PCGF6: variants seen among roughly 807,000 people sequenced by gnomAD.
PCGF6 encodes the protein polycomb group ring finger 6, also known as polycomb group RING finger protein 6.
Under a neutral mutation model 45.5 loss-of-function variants are expected in PCGF6, and 24 were observed. The observed-to-expected ratio is 0.53, with a 90% CI of 0.38 to 0.74. The LOEUF (loss-of-function observed/expected upper bound fraction) is 0.74. Ranked by LOEUF, PCGF6 falls within the 30% of genes least tolerant of loss-of-function variation. PCGF6 has a pLI of 0.00. For missense variants in PCGF6, 356 were observed against 443.2 expected, an observed-to-expected ratio of 0.80 and a Z score of 1.77; for synonymous variants, 152 against 162.1, an observed-to-expected ratio of 0.94 and a Z score of 0.47.
intron 7 of PCGF6, among the ~76,000 whole-genome samples, chr10:103,330,267 G>A (rs572013387): frequency 6.6e-6 from 1 of 151,778 alleles, no homozygotes; most frequent in East Asian, 2.0e-4. Context: ...GTGGAGACAG[G>A]GTTTCCCCAT....
chr10:103,303,217 TA>T lies in PCGF6; in HGVS notation c.*687del, dbSNP rs1482463932. ...ACCCAAATAAAATGAATGTCAGAAA[TA>T]AAAATACTGTCACAAAGAAGCACCC... is the stretch of plus-strand genomic sequence containing the variant. On this transcript the variant is annotated 3_prime_UTR_variant, in exon 10 of 10. Coordinates refer to ENST00000369847, the MANE Select transcript of PCGF6 (RefSeq NM_001011663.2). The T allele has an allele frequency of 6.6e-6, 1 of 152,532 alleles. No individual in the cohort carries two copies. The highest frequency in any genetic ancestry group is 1.5e-5 in the Non-Finnish European group (1 of 68,008). The allele number at this position is 152,532 out of a possible 1,614,324, so 9.4% of individuals were successfully genotyped here.
Position 103,345,098 on chromosome 10 carries a change from T to A in PCGF6, c.708A>T (p.Arg236Ser), listed in dbSNP as rs769470053. 5 of 1,613,098 alleles carry A rather than the reference T, an allele frequency of 3.1e-6. No individual in the cohort carries two copies. The highest frequency in any genetic ancestry group is 4.2e-6 in the Non-Finnish European group (5 of 1,179,480). The change falls in exon 6 of 10, where the codon AGA becomes AGT. Residue 236 changes from arginine (R) to serine (S), a missense_variant. Arg to Ser is a moderately radical substitution (Grantham distance 110). Coordinates refer to ENST00000369847, the MANE Select transcript of PCGF6 (RefSeq NM_001011663.2). ...ACACTGATTCTAGGACTTTTTTAGA[T>A]CTTCCTTTGCTTGAAGGGACTGGCT... ...VPQPVPSSKG[R>S]SKKVLESVFR...
chr10:103,326,369 A>T (rs1294027877), intron 8 of PCGF6, among the ~76,000 whole-genome samples, 165 bp downstream of exon 8: 1 of 150,242 alleles, frequency 6.7e-6, no homozygotes, highest in Non-Finnish European at 1.5e-5. Context: ...AGCCTGGGCG[A>T]CAGAGCAAGA....
Position 103,345,118 on chromosome 10 carries a change from C to T in PCGF6, c.688G>A (p.Val230Ile). 2 of 1,610,212 alleles carry T rather than the reference C, an allele frequency of 1.2e-6. No individual in the cohort carries two copies. The highest frequency in any genetic ancestry group is 1.7e-6 in the Non-Finnish European group (2 of 1,177,918). Residue 230 changes from valine (V) to isoleucine (I), a missense_variant, in exon 6 of 10, where the codon GTC (valine) becomes ATC (isoleucine). Physicochemically the swap from Val to Ile is conservative, Grantham distance 29 (BLOSUM62 3). Around this residue, in one of 2 missense-constraint regions of PCGF6, gnomAD observed 307 missense variants for 350.1 expected, o/e 0.88. Coordinates refer to ENST00000369847, the MANE Select transcript of PCGF6 (RefSeq NM_001011663.2). ...EVPKPAVPQPVPSSKGRSKKV... is the reference protein window; with the variant it reads ...EVPKPAVPQPIPSSKGRSKKV... ...TTAGATCTTCCTTTGCTTGAAGGGA[C>T]TGGCTGTGGAACAGCTATTTAATAG...
At position 103,307,610 on chromosome 10, in the gene PCGF6, C is replaced by T. The variant is rs1330721750; in HGVS notation, c.997-3649G>A. On this transcript the variant is annotated intron_variant, in intron 9 of 9. Transcript: ENST00000369847. Reference sequence around the variant, plus strand: ...ACCTTAGTCTCCCAAGTAGCTGGGACTACAGGTGCATGCCACCATGCCCTG... The same window carrying T: ...ACCTTAGTCTCCCAAGTAGCTGGGATTACAGGTGCATGCCACCATGCCCTG... Among the ~76,000 whole-genome samples, 3 of 152,140 alleles carry T rather than the reference C, an allele frequency of 2.0e-5. No individual in the cohort carries two copies. In the East Asian group the frequency reaches 5.8e-4, roughly 29 times the overall value.
intron 7 of PCGF6, among the ~76,000 whole-genome samples, chr10:103,328,494 G>T (rs777211644): frequency 2.0e-5 from 3 of 152,162 alleles, no homozygotes; most frequent in Non-Finnish European, 4.4e-5. Flanking sequence ...GCAGACACCT[G>T]GGCTCAAACC....
intron 9 of PCGF6, among the ~76,000 whole-genome samples, chr10:103,304,313 G>A (rs1293774549): frequency 3.3e-5 from 5 of 150,226 alleles, no homozygotes; most frequent in Non-Finnish European, 7.4e-5. Flanking sequence ...ATTTTTGTAC[G>A]TATGTATCAT....
chr10:103,315,879 C>A (rs1302834242), intron 8 of PCGF6, among the ~76,000 whole-genome samples: 4 of 151,996 alleles, frequency 2.6e-5, no homozygotes, highest in Non-Finnish European at 5.9e-5. Context: ...ACTATACTTA[C>A]TTGCTAAGAT....
chr10:103,306,474 A>G (rs2133551637), intron 9 of PCGF6, among the ~76,000 whole-genome samples: 1 of 152,268 alleles, frequency 6.6e-6, no homozygotes, highest in South Asian at 2.1e-4. Context: ...GTCATTGGGA[A>G]ATGTGCCACA....
At chr10:103,308,998 T>G (rs1193927992) in intron 9 of PCGF6, among the ~76,000 whole-genome samples, 2 of 152,242 alleles carry the variant, frequency 1.3e-5, no homozygotes, top group Non-Finnish European at 2.9e-5. Context: ...GAGAGTTATT[T>G]GCCCAATGTT....
chr10:103,324,775 CA>C lies in PCGF6; in HGVS notation c.909+1758del, dbSNP rs1201045698. Among the ~76,000 whole-genome samples the C allele has an allele frequency of 6.1e-3, 533 of 86,746 alleles. 1 individual carries two copies. Among genetic ancestry groups the C allele is most frequent in the Non-Finnish European group, 9.7e-3 (385 of 39,558 alleles). The allele number at this position is 86,746 out of a possible 152,430, so 56.9% of individuals were successfully genotyped here. A position where few individuals can be genotyped will look rare whatever the true frequency, so the allele number is the denominator to read the frequency against. On this transcript the variant is annotated intron_variant, in intron 8 of 9. Coordinates refer to ENST00000369847, the MANE Select transcript of PCGF6 (RefSeq NM_001011663.2). ...ACTCCGCCTCAAAAAAAAAAAAAAC[CA>C]AAAAAAAAAAAAAAGAAAATATTAC... is the stretch of plus-strand genomic sequence containing the variant.
chr10:103,314,954 TAAAAAAAA>T (rs60182387), intron 8 of PCGF6, among the ~76,000 whole-genome samples: 3 of 57,180 alleles, frequency 5.2e-5, no homozygotes, highest in South Asian at 9.5e-4. Context: ...GACTCTGTCA[TAAAAAAAA>T]AAAAAAAAAA....
chr10:103,349,996 T>G (rs2093315296), intron 1 of PCGF6, among the ~76,000 whole-genome samples: 1 of 151,250 alleles, frequency 6.6e-6, no homozygotes, highest in Non-Finnish European at 1.5e-5. Context: ...GGCTGGAGAA[T>G]CGCTTGAACC....
At chr10:103,328,391 G>A (rs1269730736) in intron 7 of PCGF6, among the ~76,000 whole-genome samples, 1 of 152,030 alleles carries the variant, frequency 6.6e-6, no homozygotes, top group Non-Finnish European at 1.5e-5. Context: ...GGTGTCTTGG[G>A]CTTGCTTGTT....
At chr10:103,329,636 C>T (rs1383881037) in intron 7 of PCGF6, among the ~76,000 whole-genome samples, 4 of 151,528 alleles carry the variant, frequency 2.6e-5, no homozygotes, top group Non-Finnish European at 5.9e-5. Flanking sequence ...AGCCACCACA[C>T]TAATTTTTGT....
chr10:103,344,365 G>A (rs529985015), intron 6 of PCGF6, among the ~76,000 whole-genome samples: 126 of 151,404 alleles, frequency 8.3e-4, no homozygotes, highest in African/African-American at 3.0e-3. Flanking sequence ...TCCACTGCCC[G>A]ATTTCAAGTG....
intron 8 of PCGF6, among the ~76,000 whole-genome samples, chr10:103,320,801 C>T (rs2093194490): frequency 6.6e-6 from 1 of 152,168 alleles, no homozygotes; most frequent in Non-Finnish European, 1.5e-5. Context: ...TTACTCGTTC[C>T]TGTTAGTAAA....
chr10:103,346,631 A>C (rs2093300540), intron 5 of PCGF6, among the ~76,000 whole-genome samples: 2 of 152,060 alleles, frequency 1.3e-5, no homozygotes, highest in Admixed American at 1.3e-4. Flanking sequence ...ATAATAAATA[A>C]ATAAAAATAC....
intron 5 of PCGF6, among the ~76,000 whole-genome samples, chr10:103,345,644 A>G (rs111410909): frequency 1.3e-3 from 202 of 151,986 alleles, no homozygotes; most frequent in African/African-American, 3.7e-3. Flanking sequence ...CCTGGCCAAC[A>G]TCGCAAAACC....
Sources: allele counts gnomAD v4.1 joint callset (sites outside exome capture counted in the v4.1 genomes callset), GRCh38; gene constraint gnomAD v4.1.1; regional missense constraint gnomAD v4.1.1; transcripts MANE v1.5; gene names NCBI Gene and HGNC (gene_info 2026-07-23, HGNC 2026-07-21).